EIF3A: variants seen among roughly 807,000 people sequenced by gnomAD.
EIF3A encodes eukaryotic translation initiation factor 3 subunit A.
A neutral mutation model predicts 186.6 loss-of-function variants in EIF3A; 21 were observed. The observed-to-expected ratio is 0.11, with a 90% CI of 0.08 to 0.16. The LOEUF is 0.16. EIF3A is among the 10% of genes least tolerant of loss of function. The probability of loss-of-function intolerance (pLI) is 1.00; values close to 1 mark genes in which losing one functional copy is unlikely to be tolerated. For synonymous variants in EIF3A, 563 were observed against 584.3 expected (o/e 0.96, Z 0.52); for missense variants, 1,306 against 1,796.3 (o/e 0.73, Z 4.93).
At chr10:119,054,727 CAA>C (rs36005021) in intron 14 of EIF3A, among the ~76,000 whole-genome samples, 72,559 of 141,888 alleles carry the variant, frequency 0.51, 19,140 homozygotes, top group Middle Eastern at 0.67. Flanking sequence ...AACTCCATCT[CAA>C]AAAAAAAAAA....
intron 6 of EIF3A, among the ~76,000 whole-genome samples, chr10:119,067,015 C>G (rs2119819883): frequency 6.6e-6 from 1 of 151,786 alleles, no homozygotes; most frequent in South Asian, 2.1e-4. Context: ...GAGTTCAAGA[C>G]CAGCCTGGCT....
chr10:119,040,647 G>C (rs959914084), intron 19 of EIF3A, among the ~76,000 whole-genome samples: 1 of 152,136 alleles, frequency 6.6e-6, no homozygotes, highest in Non-Finnish European at 1.5e-5. Flanking sequence ...GAGGTGGGTG[G>C]ATCACTTGAG....
chr10:119,041,245 T>C (rs1848204589), intron 19 of EIF3A, among the ~76,000 whole-genome samples: 1 of 151,872 alleles, frequency 6.6e-6, no homozygotes, highest in Non-Finnish European at 1.5e-5. Flanking sequence ...AATAATAAAG[T>C]GTGAAACAAT....
At chr10:119,060,150 T>C (rs748368147) in intron 9 of EIF3A, 6 of 497,718 alleles carry the variant, frequency 1.2e-5, no homozygotes, top group African/African-American at 1.0e-4. Flanking sequence ...AATACTGAGA[T>C]GAAAATATAA....
intron 6 of EIF3A, among the ~76,000 whole-genome samples, chr10:119,067,276 C>A (rs918055233): frequency 6.6e-5 from 10 of 151,346 alleles, no homozygotes; most frequent in Admixed American, 1.3e-4. Flanking sequence ...CGGACACCAT[C>A]CTCAAGAGTT....
chr10:119,077,970 T>C (rs1844204189), intron 1 of EIF3A, among the ~76,000 whole-genome samples: 1 of 152,282 alleles, frequency 6.6e-6, no homozygotes, highest in South Asian at 2.1e-4. Context: ...ATTATAGAAA[T>C]AAAAATTAAA....
At position 119,036,161 on chromosome 10, in the gene EIF3A, G is replaced by C. The variant is rs763416725; in HGVS notation, c.4027C>G (p.Arg1343Gly). The C allele has an allele frequency of 1.2e-6, 2 of 1,612,662 alleles. No homozygotes were observed. Among genetic ancestry groups the C allele is most frequent in the Non-Finnish European group, 1.7e-6 (2 of 1,179,572 alleles). Residue 1343 changes from arginine to glycine, a missense_variant, in exon 22 of 22, where the codon CGA becomes GGA. Physicochemically the swap from Arg to Gly is moderately radical, Grantham distance 125. Coordinates refer to ENST00000369144, the MANE Select transcript of EIF3A (RefSeq NM_003750.4). ...PALSRDRERD[R>G]DREREGEKEK... ...TTTTCACCTTCTCTTTCTCGGTCTC[G>C]GTCTCTTTCTCGGTCTCTTGAAAGA...
chr10:119,059,901 T>C (rs1448455899), intron 9 of EIF3A, 183 bp from the exon 10 acceptor site: 6 of 638,514 alleles, frequency 9.4e-6, no homozygotes, highest in African/African-American at 1.8e-5. Context: ...TGAGAACCAT[T>C]ATCATACTAT....
intron 4 of EIF3A, among the ~76,000 whole-genome samples, chr10:119,071,548 G>A (rs983272383): frequency 6.6e-6 from 1 of 152,136 alleles, no homozygotes; most frequent in Non-Finnish European, 1.5e-5. Flanking sequence ...TACTTGTTCT[G>A]TCATTTAACT....
chr10:119,073,666 T>C (rs954829993), intron 2 of EIF3A, 81 bp downstream of exon 2: 10 of 1,559,568 alleles, frequency 6.4e-6, no homozygotes, highest in Admixed American at 5.9e-5. Context: ...AGAAATACAA[T>C]ATATTCACTT....
Position 119,042,847 on chromosome 10 carries a change from C to T in EIF3A, c.2748-75G>A, listed in dbSNP as rs1848231376. The T allele has an allele frequency of 6.9e-7, 1 of 1,454,958 alleles. No homozygotes were observed. The highest frequency in any genetic ancestry group is 9.1e-7 in the Non-Finnish European group (1 of 1,098,374). 90.1% of individuals were successfully genotyped at this position (1,454,958 alleles called of 1,614,324 possible). ...GATCCTTTGGGGATTTTTTTTTTCA[C>T]ATGCTTTTTAAAAACTTCAGTATGG... On this transcript the variant is annotated intron_variant, in intron 18 of 21. Transcript: ENST00000369144. This position sits in a 1 kb window ranked among gnomAD's most constrained non-coding sequence, Gnocchi z 7.8.
At chr10:119,062,944 C>T (rs1053111102) in intron 7 of EIF3A, among the ~76,000 whole-genome samples, 1 of 150,378 alleles carries the variant, frequency 6.6e-6, no homozygotes, top group Non-Finnish European at 1.5e-5. Flanking sequence ...TTAGTAGAGA[C>T]GGGGTTTCAC....
At chr10:119,058,566 GTTCA>G (rs879536024) in intron 11 of EIF3A, among the ~76,000 whole-genome samples, 14 of 152,218 alleles carry the variant, frequency 9.2e-5, no homozygotes, top group Admixed American at 1.3e-4. Context: ...TACCTTAGGT[GTTCA>G]TTAACAGAGC....
chr10:119,067,955 C>A (rs192910072), intron 6 of EIF3A, among the ~76,000 whole-genome samples: 60 of 152,182 alleles, frequency 3.9e-4, no homozygotes, highest in Non-Finnish European at 7.9e-4. Flanking sequence ...GGATTACAGG[C>A]GTGCACCACC....
At chr10:119,041,346 A>AAGGATAACTTGGGCCC (rs1848206323) in intron 19 of EIF3A, among the ~76,000 whole-genome samples, 1 of 152,160 alleles carries the variant, frequency 6.6e-6, no homozygotes, top group Non-Finnish European at 1.5e-5. Context: ...GGAGAGGCAG[A>AAGGATAACTTGGGCCC]AGGATAACTT....
intron 17 of EIF3A, among the ~76,000 whole-genome samples, chr10:119,047,200 G>A (rs771271871): frequency 1.8e-4 from 28 of 152,102 alleles, no homozygotes; most frequent in Non-Finnish European, 3.1e-4. Flanking sequence ...ACTGGGAGGC[G>A]GAGGTTGCAG....
chr10:119,062,882 G>C (rs910747910), intron 7 of EIF3A, among the ~76,000 whole-genome samples: 2 of 151,134 alleles, frequency 1.3e-5, no homozygotes, highest in Admixed American at 1.3e-4. Context: ...CGATTAGCTG[G>C]GATTACACGC....
intron 14 of EIF3A, among the ~76,000 whole-genome samples, chr10:119,053,525 A>G (rs1328219441): frequency 6.9e-6 from 1 of 144,124 alleles, no homozygotes; most frequent in Non-Finnish European, 1.5e-5. Context: ...CAGCCTGGGA[A>G]GCCTGGGGAG....
chr10:119,036,712 T>C (rs903377648), intron 21 of EIF3A, among the ~76,000 whole-genome samples: 19 of 152,130 alleles, frequency 1.2e-4, no homozygotes, highest in Admixed American at 6.5e-5. Flanking sequence ...TATGGAAAAT[T>C]AATTTTTAAA....
Sources: allele counts gnomAD v4.1 joint callset (sites outside exome capture counted in the v4.1 genomes callset), GRCh38; gene constraint gnomAD v4.1.1; non-coding constraint Gnocchi (gnomAD v3.1); transcripts MANE v1.5; gene names NCBI Gene and HGNC (gene_info 2026-07-23, HGNC 2026-07-21).